SNTG2: variants seen among roughly 807,000 people sequenced by gnomAD.
The protein encoded by SNTG2 is syntrophin gamma 2.
A neutral mutation model predicts 70.9 loss-of-function variants in SNTG2; 74 were observed. That is an observed-to-expected ratio of 1.04 (90% CI 0.86 to 1.27). The LOEUF is 1.27. SNTG2 is among the 50% of genes most tolerant of loss of function. The probability of loss-of-function intolerance (pLI) is 0.00; values close to 1 mark genes in which losing one functional copy is unlikely to be tolerated. For missense variants in SNTG2, 717 were observed against 690.7 expected, an observed-to-expected ratio of 1.04 and a Z score of -0.43; for synonymous variants, 278 against 273.8, an observed-to-expected ratio of 1.02 and a Z score of -0.15.
intron 1 of SNTG2, among the ~76,000 whole-genome samples, chr2:972,396 T>C (rs935815345): frequency 2.6e-5 from 4 of 152,250 alleles, no homozygotes; most frequent in African/African-American, 9.6e-5. Flanking sequence ...CTTCTTTGTC[T>C]TCTTTGATTG....
intron 1 of SNTG2, among the ~76,000 whole-genome samples, chr2:1,075,557 T>A (rs1663861255): frequency 6.6e-6 from 1 of 152,236 alleles, no homozygotes; most frequent in Non-Finnish European, 1.5e-5. Context: ...CAAGGGCAGC[T>A]GTCATTGTTT....
intron 8 of SNTG2, among the ~76,000 whole-genome samples, chr2:1,203,690 A>ATATGTGTG (rs150383929): frequency 1.1e-4 from 15 of 141,372 alleles, no homozygotes; most frequent in African/African-American, 3.4e-4. Flanking sequence ...ATATATATAT[A>ATATGTGTG]TGTGTGTGTG....
intron 9 of SNTG2, among the ~76,000 whole-genome samples, chr2:1,227,779 A>T (rs1675892266): frequency 6.6e-6 from 1 of 152,224 alleles, no homozygotes; most frequent in Non-Finnish European, 1.5e-5. Flanking sequence ...GTCAACTTGT[A>T]TAAAATATAA....
intron 4 of SNTG2, among the ~76,000 whole-genome samples, chr2:1,101,027 C>T (rs1665751536): frequency 6.6e-6 from 1 of 152,152 alleles, no homozygotes; most frequent in African/African-American, 2.4e-5. Context: ...AAACTGGGAC[C>T]CAGGAGATTC....
At chr2:1,083,466 C>G in intron 1 of SNTG2, 52 bp from the exon 2 acceptor site, 1 of 1,606,914 alleles carries the variant, frequency 6.2e-7, no homozygotes, top group Non-Finnish European at 8.5e-7. Flanking sequence ...TATCCCCACC[C>G]CTGGCTCCTG....
chr2:990,785 A>T (rs182461914), intron 1 of SNTG2, among the ~76,000 whole-genome samples: 1 of 152,184 alleles, frequency 6.6e-6, no homozygotes, highest in Admixed American at 6.5e-5. Flanking sequence ...TTGGTGTACA[A>T]TAACTCTTTT....
intron 1 of SNTG2, among the ~76,000 whole-genome samples, chr2:1,072,219 G>C (rs142004221): frequency 1.1e-4 from 17 of 152,212 alleles, no homozygotes; most frequent in African/African-American, 3.4e-4. Context: ...GAGAGGAGAA[G>C]TCAGTTCCTG....
At chr2:1,235,275 C>A (rs1676546453) in intron 9 of SNTG2, among the ~76,000 whole-genome samples, 1 of 96,726 alleles carries the variant, frequency 1.0e-5, no homozygotes, top group African/African-American at 4.2e-5. Context: ...TCCCTGCAGG[C>A]CCCACCAGGC....
intron 1 of SNTG2, among the ~76,000 whole-genome samples, chr2:1,030,029 C>T (rs1258680639): frequency 6.6e-6 from 1 of 152,182 alleles, no homozygotes; most frequent in Non-Finnish European, 1.5e-5. Flanking sequence ...CATGCTGCCT[C>T]CTTCATCTCT....
rs756002308 is a variant in SNTG2 at position 1,237,991 on chromosome 2, A to G, written c.823A>G (p.Asn275Asp). 11 of 1,610,454 alleles carry G rather than the reference A, an allele frequency of 6.8e-6. 1 individual carries two copies. The South Asian group carries it at 1.0e-4, about 15-fold the overall frequency. ...GTDWLRAVSANIRELTLQNMK... is the reference protein window; with the variant it reads ...GTDWLRAVSADIRELTLQNMK... ...CGACTGGCTGCGGGCGGTCTCAGCC[A>G]ACATCAGGGAGCTGACACTTCAGAA... The change falls in exon 10 of 17, where the codon AAC becomes GAC. Residue 275 changes from asparagine to aspartate, a missense_variant. Asn to Asp is a conservative substitution (Grantham distance 23). Transcript: ENST00000308624.
chr2:1,081,298 G>A (rs780233458), intron 1 of SNTG2, among the ~76,000 whole-genome samples: 10 of 152,226 alleles, frequency 6.6e-5, no homozygotes, highest in Non-Finnish European at 1.0e-4. Flanking sequence ...GCAATGGTGA[G>A]ATATCCTCAC....
chr2:1,191,531 C>T (rs987674450), intron 8 of SNTG2, among the ~76,000 whole-genome samples: 4 of 152,170 alleles, frequency 2.6e-5, no homozygotes, highest in South Asian at 2.1e-4. Context: ...CGTGGTGGCT[C>T]ACACCTGTAA....
intron 10 of SNTG2, among the ~76,000 whole-genome samples, chr2:1,239,383 C>T (rs1319016451): frequency 6.6e-6 from 1 of 152,204 alleles, no homozygotes; most frequent in Non-Finnish European, 1.5e-5. Flanking sequence ...AGAATATCAA[C>T]TGTGATCACC....
Position 953,569 on chromosome 2 carries a change from TC to T in SNTG2, c.72+2502del, listed in dbSNP as rs1448250607. Among the ~76,000 whole-genome samples the T allele has an allele frequency of 2.0e-5, 3 of 152,324 alleles. No homozygotes were observed. The East Asian group carries it at 5.8e-4, about 29-fold the overall frequency. ...GCTCCTAAGAAGGTTCCCCATTCCT[TC>T]TATGCTTTGGTTATGTTTCTCATCC... On this transcript the variant is annotated intron_variant, in intron 1 of 16. Coordinates refer to ENST00000308624, the MANE Select transcript of SNTG2 (RefSeq NM_018968.4).
At chr2:1,124,303 TAA>T (rs142019715) in intron 4 of SNTG2, among the ~76,000 whole-genome samples, 68,154 of 148,254 alleles carry the variant, frequency 0.46, 16,892 homozygotes, top group East Asian at 0.65. Context: ...AGTCTTTTTT[TAA>T]TTTTTCTCAG....
intron 1 of SNTG2, among the ~76,000 whole-genome samples, chr2:1,044,932 T>C (rs1389805886): frequency 6.6e-6 from 1 of 152,134 alleles, no homozygotes; most frequent in Non-Finnish European, 1.5e-5. Context: ...GCCTCAATTT[T>C]TTTGGAATAG....
At chr2:1,080,139 C>T (rs1331252660) in intron 1 of SNTG2, among the ~76,000 whole-genome samples, 3 of 151,706 alleles carry the variant, frequency 2.0e-5, no homozygotes, top group East Asian at 1.9e-4. Flanking sequence ...GGGGGACAAG[C>T]GATGGCTTAG....
intron 1 of SNTG2, among the ~76,000 whole-genome samples, chr2:962,682 A>G (rs559597193): frequency 6.6e-6 from 1 of 152,344 alleles, no homozygotes; most frequent in East Asian, 1.9e-4. Flanking sequence ...ATAGAAAAAT[A>G]ATAAATCGAA....
intron 1 of SNTG2, among the ~76,000 whole-genome samples, chr2:1,012,508 TTC>T (rs1270053607): frequency 6.6e-5 from 10 of 151,792 alleles, no homozygotes. Flanking sequence ...GAGGGATTTA[TTC>T]ATAAAGGCAG....
Sources: allele counts gnomAD v4.1 joint callset (sites outside exome capture counted in the v4.1 genomes callset), GRCh38; gene constraint gnomAD v4.1.1; transcripts MANE v1.5; gene names NCBI Gene and HGNC (gene_info 2026-07-23, HGNC 2026-07-21).